The following MTCL1 variants were observed in gnomAD, a reference collection of about 807,000 sequenced individuals.
MTCL1 encodes the protein microtubule crosslinking factor 1, also known as microtubule cross-linking factor 1.
Under a neutral mutation model 141.4 loss-of-function variants are expected in MTCL1, and 79 were observed. That is an observed-to-expected ratio of 0.56 (90% CI 0.47 to 0.67). The LOEUF is 0.67. MTCL1 is among the 30% of genes least tolerant of loss of function. MTCL1 has a pLI of 0.00. For synonymous variants in MTCL1, 914 were observed against 875.8 expected, an observed-to-expected ratio of 1.04 and a Z score of -0.77; for missense variants, 2,177 against 2,113.9, an observed-to-expected ratio of 1.03 and a Z score of -0.59.
intron 4 of MTCL1, among the ~76,000 whole-genome samples, chr18:8,747,758 A>G (rs1369429841): frequency 6.6e-6 from 1 of 152,220 alleles, no homozygotes; most frequent in Non-Finnish European, 1.5e-5. Context: ...GCCCTAAGGA[A>G]GTCTCGCTGG....
chr18:8,809,811 G>T lies in MTCL1; in HGVS notation c.2604+2751G>T. 1.8e-5 allele frequency: 10 copies of T among 551,692 alleles called. 1 individual carries two copies. In the South Asian group the frequency reaches 2.3e-4, roughly 12 times the overall value. The allele number at this position is 551,692 out of a possible 1,614,324, so 34.2% of individuals were successfully genotyped here. A position where few individuals can be genotyped will look rare whatever the true frequency, so the allele number is the denominator to read the frequency against. On this transcript the variant is annotated intron_variant, in intron 11 of 16. Transcript: ENST00000359865. ...AAAGGGGACAGGTTGGATTTGAGGT[G>T]TGTGTCATCACAGGCACTGGGACTT...
intron 4 of MTCL1, among the ~76,000 whole-genome samples, chr18:8,769,057 AGTGCG>A (rs2096473388): frequency 6.6e-6 from 1 of 152,152 alleles, no homozygotes; most frequent in Non-Finnish European, 1.5e-5. Context: ...GGCCTCCCAA[AGTGCG>A]GGGAATACAG....
chr18:8,785,690 A>G (rs1347425404), intron 6 of MTCL1: 5 of 521,952 alleles, frequency 9.6e-6, no homozygotes, highest in African/African-American at 5.8e-5. Flanking sequence ...TGCTTTTCAG[A>G]TGTGTCCACC....
At position 8,706,494 on chromosome 18, in the gene MTCL1, C is replaced by G; in HGVS notation, c.834C>G (p.Ala278=). ...TCGCCGCGCCCCTCGCCGCGGGCGC[C>G]TGTCCCGGGGGCCGGAGCATCCCGA... The change falls in exon 1 of 14, where the codon GCC becomes GCG. Residue 278 remains alanine, a synonymous_variant. Transcript: ENST00000306329. The G allele has an allele frequency of 3.1e-6, 4 of 1,283,390 alleles. No individual in the cohort carries two copies. The South Asian group carries it at 7.9e-5, about 25-fold the overall frequency. 79.5% of individuals were successfully genotyped at this position (1,283,390 alleles called of 1,614,324 possible).
At chr18:8,721,365 A>G (rs908906389) in intron 4 of MTCL1, among the ~76,000 whole-genome samples, 1 of 152,100 alleles carries the variant, frequency 6.6e-6, no homozygotes, top group Admixed American at 6.5e-5. Flanking sequence ...TCCGGCCTGC[A>G]TGGGCTCTGG....
At chr18:8,714,804 C>CT (rs34270484), upstream of MTCL1, among the ~76,000 whole-genome samples, 8,214 of 148,742 alleles carry the variant, frequency 0.055, 733 homozygotes, top group African/African-American at 0.19. Flanking sequence ...TTTCTTTTCT[C>CT]TTTTTTTTTT....
upstream of MTCL1, among the ~76,000 whole-genome samples, chr18:8,712,635 A>G (rs1000683398): frequency 2.0e-5 from 3 of 152,192 alleles, no homozygotes; most frequent in Non-Finnish European, 2.9e-5. Context: ...AGTGGCTATG[A>G]TCATTTTCAG....
chr18:8,725,946 C>T lies in MTCL1; in HGVS notation c.357+5450C>T, dbSNP rs574269828. On this transcript the variant is annotated intron_variant, in intron 4 of 16. Coordinates refer to ENST00000359865, the Ensembl canonical transcript of MTCL1. Reference sequence around the variant, plus strand: ...CTGGGACTACAGGCACCCGCCACCACGCCCGGCTAATTTTTTTTGCATATT... The same window carrying T: ...CTGGGACTACAGGCACCCGCCACCATGCCCGGCTAATTTTTTTTGCATATT... Among the ~76,000 whole-genome samples, 8 of 151,944 alleles carry T rather than the reference C, an allele frequency of 5.3e-5. No homozygotes were observed. In the East Asian group the frequency reaches 1.2e-3, roughly 22 times the overall value.
chr18:8,812,571 T>C (rs2076523853), intron 11 of MTCL1, among the ~76,000 whole-genome samples: 1 of 152,256 alleles, frequency 6.6e-6, no homozygotes, highest in Non-Finnish European at 1.5e-5. Flanking sequence ...TTGGTTTTGA[T>C]ATTTAACCTC....
intron 4 of MTCL1, among the ~76,000 whole-genome samples, chr18:8,725,790 C>CTTTTT (rs796484848): frequency 6.6e-5 from 4 of 61,068 alleles, no homozygotes; most frequent in African/African-American, 2.4e-4. Flanking sequence ...TTTTTTTTTT[C>CTTTTT]TTTTTTTTTT....
rs772181979 is a variant in MTCL1 at position 8,825,692 on chromosome 18, G to T, written c.4182G>T (p.Lys1394Asn). Residue 1394 changes from lysine (K) to asparagine (N), a missense_variant, in exon 15 of 17, where the codon AAG (lysine) becomes AAT (asparagine). By Grantham distance (94) the Lys-to-Asn change is moderately conservative. Coordinates refer to ENST00000359865, the Ensembl canonical transcript of MTCL1. ...GCTCCCCCAAGTATGGTTCTCCCAA[G>T]CTGCAGAGGAAGCCCCTCCCCAAAG... 6.2e-6 allele frequency: 10 copies of T among 1,613,906 alleles called. No individual in the cohort carries two copies. In the East Asian group the frequency reaches 2.0e-4, roughly 32 times the overall value.
At chr18:8,718,429 G>C in exon 3 of MTCL1, 1 of 1,614,146 alleles carries the variant, frequency 6.2e-7, no homozygotes, top group Non-Finnish European at 8.5e-7. Context: ...CATAGGATGA[G>C]TTAGATGAAC....
At chr18:8,709,161 T>C (rs2096073375) in intron 1 of MTCL1, among the ~76,000 whole-genome samples, 1 of 151,648 alleles carries the variant, frequency 6.6e-6, no homozygotes, top group Admixed American at 6.6e-5. Context: ...AAAACTTCTC[T>C]TTTTGTTATT....
intron 6 of MTCL1, 137 bp from the exon 6 acceptor site, chr18:8,785,799 T>C: frequency 1.9e-6 from 2 of 1,044,976 alleles, no homozygotes; most frequent in Non-Finnish European, 2.7e-6. Flanking sequence ...TTTGGTCGTT[T>C]TCTCAGTCGT....
At chr18:8,766,063 C>T (rs917505841) in intron 4 of MTCL1, among the ~76,000 whole-genome samples, 1 of 151,864 alleles carries the variant, frequency 6.6e-6, no homozygotes, top group East Asian at 1.9e-4. Flanking sequence ...TTATAGCTTG[C>T]AGATAAAGAT....
In MTCL1 at chr18:8,785,929, C is replaced by T; in HGVS notation, c.1732-7C>T. The T allele has an allele frequency of 6.3e-7, 1 of 1,579,088 alleles. No individual in the cohort carries two copies. The highest frequency in any genetic ancestry group is 8.6e-7 in the Non-Finnish European group (1 of 1,166,236). ...ACAACAACAAATTCCTCCCGTGCACCTAACAGTCCAGACTGAAAGAGCAGC... is the reference window on the plus strand; with the variant it reads ...ACAACAACAAATTCCTCCCGTGCACTTAACAGTCCAGACTGAAAGAGCAGC... On this transcript the variant is annotated splice_region_variant and splice_polypyrimidine_tract_variant and intron_variant, in intron 6 of 16. Transcript: ENST00000359865.
At chr18:8,797,497 G>A (rs1200680459) in intron 9 of MTCL1, among the ~76,000 whole-genome samples, 3 of 152,214 alleles carry the variant, frequency 2.0e-5, no homozygotes, top group Non-Finnish European at 4.4e-5. Flanking sequence ...GGCGCCACTG[G>A]CGTTCTGTGT....
chr18:8,726,287 T>C (rs2096210547), intron 4 of MTCL1, among the ~76,000 whole-genome samples: 1 of 2,172 alleles, frequency 4.6e-4, no homozygotes, highest in Non-Finnish European at 9.2e-4. Context: ...TCTTTTTTTC[T>C]TTTTTTTTTT....
At position 8,830,307 on chromosome 18, in the gene MTCL1, T is replaced by C; in HGVS notation, c.*19-1300T>C. 1.0e-6 allele frequency: 1 copy of C among 985,460 alleles called. No homozygotes were observed. Among genetic ancestry groups the C allele is most frequent in the Non-Finnish European group, 1.2e-6 (1 of 829,968 alleles). The allele number at this position is 985,460 out of a possible 1,614,324, so 61.0% of individuals were successfully genotyped here. A position where few individuals can be genotyped will look rare whatever the true frequency, so the allele number is the denominator to read the frequency against. On this transcript the variant is annotated intron_variant, in intron 16 of 16. Coordinates refer to ENST00000359865, the Ensembl canonical transcript of MTCL1. This position sits in a 1 kb window ranked among gnomAD's most constrained non-coding sequence, Gnocchi z 6.4. The stretch of plus-strand genomic sequence containing the variant: ...ACAGAAGCTTCTCCCTGTGGCCGTA[T>C]GAAGTTCCAGCCACAAAAGCAGCAG...
Sources: gnomAD v4.1 joint callset for allele counts (sites outside exome capture counted in the v4.1 genomes callset) on GRCh38, gnomAD v4.1.1 for gene constraint, Gnocchi (gnomAD v3.1) non-coding constraint, MANE v1.5 for transcripts, NCBI Gene and HGNC (gene_info 2026-07-23, HGNC 2026-07-21) for gene names.